MYRFL: variants seen among roughly 807,000 people sequenced by gnomAD.
The protein encoded by MYRFL is myelin regulatory factor-like protein.
MYRFL carries 88 observed loss-of-function variants against 109.4 expected under a neutral mutation model. The observed-to-expected ratio is 0.80, with a 90% CI of 0.68 to 0.96. The LOEUF (loss-of-function observed/expected upper bound fraction) is 0.96. MYRFL is among the 40% of genes least tolerant of loss of function. MYRFL has a pLI of 0.00. For synonymous variants in MYRFL, 324 were observed against 320.9 expected, an observed-to-expected ratio of 1.01 and a Z score of -0.10; for missense variants, 957 against 954.9, an observed-to-expected ratio of 1.00 and a Z score of -0.03.
chr12:69,841,092 T>G (rs1309088415), intron 1 of MYRFL, among the ~76,000 whole-genome samples: 2 of 152,204 alleles, frequency 1.3e-5, no homozygotes, highest in Non-Finnish European at 2.9e-5. Flanking sequence ...TAAAACTATC[T>G]GCACAAGGAG....
chr12:69,935,986 TC>T (rs976168471), intron 16 of MYRFL, 126 bp from the exon 17 acceptor site: 123 of 1,127,482 alleles, frequency 1.1e-4, no homozygotes, highest in Non-Finnish European at 1.4e-4. Context: ...GGCCATCCCC[TC>T]CCCCCTGCTC....
chr12:69,878,185 G>A (rs1885806298), intron 2 of MYRFL, among the ~76,000 whole-genome samples: 1 of 141,878 alleles, frequency 7.0e-6, no homozygotes, highest in Non-Finnish European at 1.5e-5. Context: ...GGAGGTTGCA[G>A]TGAGCCAAAA....
intron 5 of MYRFL, among the ~76,000 whole-genome samples, chr12:69,883,953 A>G (rs942066809): frequency 3.3e-5 from 5 of 152,184 alleles, no homozygotes; most frequent in Middle Eastern, 3.2e-3. Context: ...ATAGTATTCC[A>G]TATAAACTCT....
intron 19 of MYRFL, among the ~76,000 whole-genome samples, chr12:69,940,219 T>G (rs1955601008): frequency 6.6e-6 from 1 of 151,694 alleles, no homozygotes; most frequent in African/African-American, 2.4e-5. Flanking sequence ...AAGATACTCC[T>G]CGAGAAGAGC....
chr12:69,921,717 T>C (rs1179049331), intron 13 of MYRFL, among the ~76,000 whole-genome samples: 1 of 152,246 alleles, frequency 6.6e-6, no homozygotes, highest in African/African-American at 2.4e-5. Context: ...TAGGAAAATA[T>C]ATGAATTATC....
intron 11 of MYRFL, 27 bp downstream of exon 11, chr12:69,903,871 C>T: frequency 6.7e-7 from 1 of 1,490,378 alleles, no homozygotes; most frequent in Non-Finnish European, 8.9e-7. Flanking sequence ...GCCCTGGGCC[C>T]CTCCTCTGAC....
intron 13 of MYRFL, among the ~76,000 whole-genome samples, chr12:69,920,458 G>C (rs778440129): frequency 5.9e-5 from 9 of 152,092 alleles, no homozygotes; most frequent in Admixed American, 1.3e-4. Context: ...TCAGTGCCTC[G>C]TGCCATGAAC....
At chr12:69,847,897 T>G (rs1389119317) in intron 1 of MYRFL, among the ~76,000 whole-genome samples, 2 of 152,202 alleles carry the variant, frequency 1.3e-5, no homozygotes, top group African/African-American at 4.8e-5. Context: ...TTATAGACTT[T>G]TTTTCTGTAT....
chr12:69,840,658 A>G (rs1883193602), intron 1 of MYRFL, among the ~76,000 whole-genome samples: 1 of 152,250 alleles, frequency 6.6e-6, no homozygotes, highest in African/African-American at 2.4e-5. Flanking sequence ...TGAAATAAAG[A>G]TATACATTTC....
At chr12:69,871,934 T>C (rs1469790476) in intron 2 of MYRFL, among the ~76,000 whole-genome samples, 1 of 152,238 alleles carries the variant, frequency 6.6e-6, no homozygotes, top group East Asian at 1.9e-4. Flanking sequence ...GACTTTTTGG[T>C]TCTATCAACT....
At chr12:69,891,674 TTTCTTTCTTTCG>T (rs1232977313) in intron 7 of MYRFL, among the ~76,000 whole-genome samples, 4 of 116,368 alleles carry the variant, frequency 3.4e-5, no homozygotes, top group African/African-American at 7.4e-5. Flanking sequence ...TCTTTCTTTC[TTTCTTTCTTTCG>T]TTCGTTCGTT....
chr12:69,905,138 C>T (rs1278531884), intron 11 of MYRFL, among the ~76,000 whole-genome samples: 1 of 152,206 alleles, frequency 6.6e-6, no homozygotes, highest in Non-Finnish European at 1.5e-5. Context: ...GATCATCTGT[C>T]TGCATTTCAG....
intron 4 of MYRFL, 64 bp from the exon 5 acceptor site, chr12:69,880,137 T>G: frequency 1.5e-6 from 1 of 679,826 alleles, no homozygotes; most frequent in Admixed American, 2.2e-5. Context: ...AGATTAAATT[T>G]TATTTAACAT....
At position 69,891,013 on chromosome 12, in the gene MYRFL, T is replaced by A; in HGVS notation, c.750T>A (p.Asn250Lys). 2.6e-6 allele frequency: 4 copies of A among 1,534,108 alleles called. No individual in the cohort carries two copies. Among genetic ancestry groups the A allele is most frequent in the Non-Finnish European group, 3.5e-6 (4 of 1,146,024 alleles). Residue 250 changes from asparagine to lysine, a missense_variant, in exon 7 of 25, where the codon AAT (asparagine) becomes AAA (lysine). By Grantham distance (94) the Asn-to-Lys change is moderately conservative (BLOSUM62 0). Transcript: ENST00000552032. ...GYRVVTDKGF[N>K]FSPADEAFVC... is the part of the protein sequence containing the mutation. ...GAGTTGTAACAGACAAAGGATTTAA[T>A]TTTTCACCAGCAGATGAAGCTTTTG...
chr12:69,944,585 G>C (rs567396395), intron 19 of MYRFL, among the ~76,000 whole-genome samples: 329 of 151,182 alleles, frequency 2.2e-3, no homozygotes, highest in Non-Finnish European at 3.8e-3. Context: ...CCTAAGGCTA[G>C]ATGACGAGTT....
chr12:69,879,583 A>T (rs959309931), intron 4 of MYRFL, 130 bp downstream of exon 4: 4 of 588,356 alleles, frequency 6.8e-6, no homozygotes, highest in African/African-American at 5.6e-5. Flanking sequence ...AGACGCGTAT[A>T]GGACATCGCG....
chr12:69,935,980 A>C, intron 16 of MYRFL, 133 bp from the exon 17 acceptor site: 1 of 1,054,694 alleles, frequency 9.5e-7, no homozygotes, highest in Non-Finnish European at 1.3e-6. Context: ...AGCCGTGGCC[A>C]TCCCCTCCCC....
At chr12:69,901,202 T>A (rs2136344355) in intron 10 of MYRFL, among the ~76,000 whole-genome samples, 1 of 152,298 alleles carries the variant, frequency 6.6e-6, no homozygotes, top group South Asian at 2.1e-4. Context: ...ATTTTAGACA[T>A]TTTAATTAAT....
intron 2 of MYRFL, among the ~76,000 whole-genome samples, chr12:69,875,069 A>G (rs545736756): frequency 6.6e-6 from 1 of 151,482 alleles, no homozygotes; most frequent in Admixed American, 6.6e-5. Context: ...ATATCTTCAT[A>G]AAGATATATA....
Sources: allele counts gnomAD v4.1 joint callset (sites outside exome capture counted in the v4.1 genomes callset), GRCh38; gene constraint gnomAD v4.1.1; transcripts MANE v1.5; gene names NCBI Gene and HGNC (gene_info 2026-07-23, HGNC 2026-07-21).